IQCH: variants seen among roughly 807,000 people sequenced by gnomAD.
IQCH encodes the protein IQ motif containing H.
IQCH carries 98 observed loss-of-function variants against 117.0 expected under a neutral mutation model. That is an observed-to-expected ratio of 0.84 (90% confidence interval 0.71 to 0.99). The LOEUF is 0.99. Ranked by LOEUF, IQCH falls within the 50% of genes least tolerant of loss-of-function variation. The pLI, the probability that IQCH is intolerant of heterozygous loss-of-function variation, is 0.00. For synonymous variants in IQCH, 412 were observed against 448.2 expected, an observed-to-expected ratio of 0.92 and a Z score of 1.02; for missense variants, 1,102 against 1,243.8, an observed-to-expected ratio of 0.89 and a Z score of 1.72.
Position 67,465,020 on chromosome 15 carries a change from A to C in IQCH, c.2506-107A>C. The stretch of plus-strand genomic sequence containing the variant: ...ATCTACTCCATTAAGACACATGGTC[A>C]CTGGTTTCACTTAGTCTGATGTAGT... On this transcript the variant is annotated intron_variant, in intron 16 of 20. Coordinates refer to ENST00000335894, the MANE Select transcript of IQCH (RefSeq NM_001031715.3). This position sits in a 1 kb window ranked among gnomAD's most constrained non-coding sequence, Gnocchi z 5.9. 1 of 967,788 alleles carries C rather than the reference A, an allele frequency of 1.0e-6. No homozygotes were observed. Among genetic ancestry groups the C allele is most frequent in the East Asian group, 2.4e-5 (1 of 41,416 alleles). 60.0% of individuals were successfully genotyped at this position (967,788 alleles called of 1,614,324 possible).
At chr15:67,274,491 TTC>T (rs1295335855) in intron 3 of IQCH, among the ~76,000 whole-genome samples, 2 of 152,178 alleles carry the variant, frequency 1.3e-5, no homozygotes, top group African/African-American at 4.8e-5. Context: ...ATTTCAACAT[TTC>T]TGTTTGGTTT....
chr15:67,410,187 T>A (rs1049622156), intron 14 of IQCH, among the ~76,000 whole-genome samples: 1 of 152,224 alleles, frequency 6.6e-6, no homozygotes, highest in Non-Finnish European at 1.5e-5. Flanking sequence ...TTTGCATCAG[T>A]TTAAAATGTT....
Position 67,494,792 on chromosome 15 carries a change from GA to G in IQCH, c.2970+429del, listed in dbSNP as rs1416515114. Among the ~76,000 whole-genome samples, 1 of 152,186 alleles carries G rather than the reference GA, an allele frequency of 6.6e-6. No homozygotes were observed. The highest frequency in any genetic ancestry group is 1.5e-5 in the Non-Finnish European group (1 of 68,034). Reference sequence around the variant, plus strand: ...GAGCCAGAGAAGTTCTAAGACCCGAGAAAGCAATGTGTGTTAGGGAGAAGCA... The same window carrying G: ...GAGCCAGAGAAGTTCTAAGACCCGAGAAGCAATGTGTGTTAGGGAGAAGCA... On this transcript the variant is annotated intron_variant, in intron 20 of 20. Coordinates refer to ENST00000335894, the MANE Select transcript of IQCH (RefSeq NM_001031715.3). This position sits in a 1 kb window ranked among gnomAD's most constrained non-coding sequence, Gnocchi z 5.5.
intron 16 of IQCH, among the ~76,000 whole-genome samples, chr15:67,437,378 C>T (rs1048842290): frequency 7.2e-5 from 11 of 152,164 alleles, no homozygotes; most frequent in Non-Finnish European, 1.3e-4. Flanking sequence ...ATCAAGGGAA[C>T]AACCCGTGGG....
intron 3 of IQCH, among the ~76,000 whole-genome samples, chr15:67,274,655 C>G (rs932253880): frequency 6.6e-6 from 1 of 152,082 alleles, no homozygotes; most frequent in Non-Finnish European, 1.5e-5. Flanking sequence ...TAAGGTCAGT[C>G]ACTGGTTCCT....
intron 4 of IQCH, among the ~76,000 whole-genome samples, chr15:67,289,790 A>G (rs1966690474): frequency 6.6e-6 from 1 of 152,170 alleles, no homozygotes; most frequent in African/African-American, 2.4e-5. Flanking sequence ...GAGAACATCA[A>G]GTGAAAATGA....
chr15:67,424,328 C>A lies in IQCH; in HGVS notation c.2505+2751C>A, dbSNP rs1440398913. ...TCAGCTCAAGCCACATTGACTGAAGCGCTTCCTGACCTTCCTGACAAAGTC... is the reference window on the plus strand; with the variant it reads ...TCAGCTCAAGCCACATTGACTGAAGAGCTTCCTGACCTTCCTGACAAAGTC... On this transcript the variant is annotated intron_variant, in intron 16 of 20. Coordinates refer to ENST00000335894, the MANE Select transcript of IQCH (RefSeq NM_001031715.3). This position sits in a 1 kb window ranked among gnomAD's most constrained non-coding sequence, Gnocchi z 4.9. 1.3e-5 allele frequency among the ~76,000 whole-genome samples: 2 copies of A among 152,180 alleles called. No homozygotes were observed. Among genetic ancestry groups the A allele is most frequent in the Admixed American group, 1.3e-4 (2 of 15,282 alleles).
chr15:67,273,531 G>T (rs1177389430), intron 3 of IQCH, among the ~76,000 whole-genome samples: 2 of 152,058 alleles, frequency 1.3e-5, no homozygotes. Flanking sequence ...TAGAAACAAA[G>T]AAAAAACTTT....
At chr15:67,292,751 G>A (rs1966794828) in intron 4 of IQCH, among the ~76,000 whole-genome samples, 1 of 152,096 alleles carries the variant, frequency 6.6e-6, no homozygotes, top group East Asian at 1.9e-4. Flanking sequence ...AAAATGAACT[G>A]TTTCTCTTTC....
Position 67,494,180 on chromosome 15 carries a change from C to A in IQCH, c.2862-78C>A. 2.1e-6 allele frequency: 2 copies of A among 960,554 alleles called. No homozygotes were observed. Among genetic ancestry groups the A allele is most frequent in the Non-Finnish European group, 3.0e-6 (2 of 662,364 alleles). 59.5% of individuals were successfully genotyped at this position (960,554 alleles called of 1,614,324 possible). ...TCATTAAATTCCATCACCAGACAGGCACAAATGAGAGGGCGATTGTTTTTA... is the reference window on the plus strand; with the variant it reads ...TCATTAAATTCCATCACCAGACAGGAACAAATGAGAGGGCGATTGTTTTTA... On this transcript the variant is annotated intron_variant, in intron 19 of 20. Coordinates refer to ENST00000335894, the MANE Select transcript of IQCH (RefSeq NM_001031715.3). The surrounding 1 kb of genome is among the most constrained non-coding windows in gnomAD (Gnocchi z 5.5).
chr15:67,268,753 C>T (rs976845880), intron 3 of IQCH, among the ~76,000 whole-genome samples: 4 of 151,758 alleles, frequency 2.6e-5, no homozygotes, highest in Admixed American at 6.6e-5. Flanking sequence ...CAGTTATATA[C>T]GATATGACTA....
At chr15:67,448,875 C>T (rs1322000495) in intron 16 of IQCH, among the ~76,000 whole-genome samples, 2 of 152,184 alleles carry the variant, frequency 1.3e-5, no homozygotes, top group Admixed American at 1.3e-4. Context: ...TTCTCCACAT[C>T]CTCTCCAGCA....
chr15:67,468,416 A>G (rs1482527918), intron 17 of IQCH, among the ~76,000 whole-genome samples: 1 of 152,258 alleles, frequency 6.6e-6, no homozygotes, highest in East Asian at 1.9e-4. Flanking sequence ...GAATGCAACA[A>G]CAGCAGAGTT....
chr15:67,256,255 CG>C (rs1464697823), intron 1 of IQCH, among the ~76,000 whole-genome samples: 1 of 152,112 alleles, frequency 6.6e-6, no homozygotes, highest in Non-Finnish European at 1.5e-5. Flanking sequence ...GAGTCATTGA[CG>C]TCATTACCTG....
intron 4 of IQCH, among the ~76,000 whole-genome samples, chr15:67,296,458 C>T (rs1008815264): frequency 6.6e-6 from 1 of 152,038 alleles, no homozygotes; most frequent in African/African-American, 2.4e-5. Context: ...TCAGATTACG[C>T]CACCCTAAGG....
intron 6 of IQCH, among the ~76,000 whole-genome samples, chr15:67,351,760 G>A (rs1484452930): frequency 6.6e-6 from 1 of 151,940 alleles, no homozygotes; most frequent in East Asian, 1.9e-4. Context: ...AGCATAAATA[G>A]CATTTTGTCT....
chr15:67,428,343 C>T (rs2081939882), intron 16 of IQCH, among the ~76,000 whole-genome samples: 1 of 151,932 alleles, frequency 6.6e-6, no homozygotes, highest in Non-Finnish European at 1.5e-5. Context: ...AAGATATATA[C>T]TAAGATGTTA....
rs2140880852 is a variant in IQCH, at chr15:67,406,016, C to G, written c.2097+5711C>G. On this transcript the variant is annotated intron_variant, in intron 14 of 20. Transcript: ENST00000335894. This position sits in a 1 kb window ranked among gnomAD's most constrained non-coding sequence, Gnocchi z 4.5. ...GTTTCTAGGATTCAGCTCTTGCAAC[C>G]CAACTGCCTCATATACCTGGTTATG... The G allele has an allele frequency of 6.6e-6, 1 of 152,314 alleles. No homozygotes were observed. The highest frequency in any genetic ancestry group is 2.1e-4 in the South Asian group (1 of 4,828). The allele number at this position is 152,314 out of a possible 1,614,324, so 9.4% of individuals were successfully genotyped here.
At position 67,330,698 on chromosome 15, in the gene IQCH, A is replaced by T. The variant is rs1431698522; in HGVS notation, c.388-6277A>T. 2.6e-5 allele frequency among the ~76,000 whole-genome samples: 4 copies of T among 152,228 alleles called. No individual in the cohort carries two copies. In the East Asian group the frequency reaches 7.7e-4, roughly 29 times the overall value. On this transcript the variant is annotated intron_variant, in intron 4 of 20. Coordinates refer to ENST00000335894, the MANE Select transcript of IQCH (RefSeq NM_001031715.3). ...ACAAAAAAGCCCCACTGGGCCATGA[A>T]GCAGTGACATGCATTTTTCATTCTG... is the stretch of plus-strand genomic sequence containing the variant.
Sources: allele counts gnomAD v4.1 joint callset (sites outside exome capture counted in the v4.1 genomes callset), GRCh38; gene constraint gnomAD v4.1.1; non-coding constraint Gnocchi (gnomAD v3.1); transcripts MANE v1.5; gene names NCBI Gene and HGNC (gene_info 2026-07-23, HGNC 2026-07-21).